Variants in CSMD3 observed in about 807,000 individuals in gnomAD.
CSMD3 encodes the protein CUB and sushi domain-containing protein 3.
CSMD3 carries 177 observed loss-of-function variants against 435.2 expected under a neutral mutation model. The ratio of observed to expected loss-of-function variants is 0.41; its 90% CI spans 0.36 to 0.46. The LOEUF (loss-of-function observed/expected upper bound fraction) is 0.46. Ranked by LOEUF, CSMD3 falls within the 20% of genes least tolerant of loss-of-function variation. The probability of loss-of-function intolerance (pLI) is 0.34; values close to 1 mark genes in which losing one functional copy is unlikely to be tolerated. For missense variants in CSMD3, 4,265 were observed against 4,504.6 expected (o/e 0.95, Z 1.52); for synonymous variants, 1,656 against 1,520.5 (o/e 1.09, Z -2.07).
At chr8:112,831,167 G>T (rs79413168) in intron 11 of CSMD3, among the ~76,000 whole-genome samples, 3,643 of 152,186 alleles carry the variant, frequency 0.024, 144 homozygotes, top group African/African-American at 0.083. Context: ...TTTTGGCCAA[G>T]TTTAAATACA....
At chr8:112,931,631 C>A (rs186448056) in intron 9 of CSMD3, among the ~76,000 whole-genome samples, 2 of 151,658 alleles carry the variant, frequency 1.3e-5, no homozygotes, top group Non-Finnish European at 2.9e-5. Flanking sequence ...TTTCACACAG[C>A]AAAGGAAAAA....
At chr8:112,415,848 G>A (rs1811855785) in intron 32 of CSMD3, among the ~76,000 whole-genome samples, 1 of 152,142 alleles carries the variant, frequency 6.6e-6, no homozygotes, top group Non-Finnish European at 1.5e-5. Flanking sequence ...GGGGCCTGTA[G>A]CCCTTTTGTT....
At chr8:112,916,029 T>C in intron 10 of CSMD3, among the ~76,000 whole-genome samples, 1 of 151,766 alleles carries the variant, frequency 6.6e-6, no homozygotes, top group East Asian at 1.9e-4. Context: ...CTCATCAACT[T>C]ACAAATAAGT....
chr8:113,369,093 T>C (rs985049648), intron 1 of CSMD3, among the ~76,000 whole-genome samples: 2 of 152,056 alleles, frequency 1.3e-5, no homozygotes, highest in African/African-American at 4.8e-5. Flanking sequence ...CTCATTTTCA[T>C]TCCTGAGATC....
chr8:113,091,122 GA>G lies in CSMD3; in HGVS notation c.917+7633del, dbSNP rs559946518. On this transcript the variant is annotated intron_variant, in intron 5 of 70. Transcript: ENST00000297405. ...CTAAGTAATAGGTTAATAAATTACA[GA>G]AAAAAAAATATGCCAAGCATTAGAA... 2.5e-3 allele frequency among the ~76,000 whole-genome samples: 384 copies of G among 150,628 alleles called. 2 individuals carry two copies. Among genetic ancestry groups the G allele is most frequent in the South Asian group, 0.01 (49 of 4,788 alleles).
chr8:112,402,464 A>T (rs1036351230), intron 35 of CSMD3, among the ~76,000 whole-genome samples: 5 of 152,204 alleles, frequency 3.3e-5, no homozygotes, highest in Non-Finnish European at 5.9e-5. Context: ...AACTAAAGGA[A>T]TAAAAGGGTT....
chr8:113,327,754 C>A (rs1006747611), intron 1 of CSMD3, among the ~76,000 whole-genome samples: 5 of 151,952 alleles, frequency 3.3e-5, no homozygotes, highest in African/African-American at 1.2e-4. Context: ...GAGCCCTATC[C>A]CCAGCTCATT....
At chr8:113,201,203 G>C (rs1184072040) in intron 3 of CSMD3, among the ~76,000 whole-genome samples, 1 of 151,924 alleles carries the variant, frequency 6.6e-6, no homozygotes, top group Non-Finnish European at 1.5e-5. Flanking sequence ...TCATTTCAAA[G>C]CTGGGTTTTG....
chr8:112,576,874 A>G (rs10109993), intron 23 of CSMD3, among the ~76,000 whole-genome samples: 60,568 of 150,348 alleles, frequency 0.4, 13,135 homozygotes, highest in East Asian at 0.58. Context: ...AGCTTTTTAT[A>G]AGACACATTA....
At chr8:113,072,004 G>A (rs1207389403) in intron 5 of CSMD3, among the ~76,000 whole-genome samples, 1 of 151,486 alleles carries the variant, frequency 6.6e-6, no homozygotes, top group Non-Finnish European at 1.5e-5. Context: ...CATAATTTTA[G>A]TGTACAAATA....
At chr8:113,077,652 G>A (rs772289490) in intron 5 of CSMD3, among the ~76,000 whole-genome samples, 2 of 152,116 alleles carry the variant, frequency 1.3e-5, no homozygotes, top group Admixed American at 6.5e-5. Context: ...GCAGTGAGCC[G>A]AGATCGCATC....
chr8:112,764,303 T>A (rs548713431), intron 13 of CSMD3, among the ~76,000 whole-genome samples: 2 of 151,496 alleles, frequency 1.3e-5, no homozygotes, highest in East Asian at 3.9e-4. Flanking sequence ...CTGATCTTAT[T>A]AAAATCAACA....
At chr8:112,451,445 GT>G (rs1039422863) in intron 32 of CSMD3, among the ~76,000 whole-genome samples, 17 of 151,702 alleles carry the variant, frequency 1.1e-4, no homozygotes, top group African/African-American at 2.7e-4. Context: ...AAAAGTAAAA[GT>G]TTTTTTTACA....
At chr8:112,397,938 A>T (rs1830989766) in intron 35 of CSMD3, among the ~76,000 whole-genome samples, 1 of 152,202 alleles carries the variant, frequency 6.6e-6, no homozygotes, top group Admixed American at 6.5e-5. Context: ...TCTCATCTAA[A>T]TATCATGTCA....
At chr8:112,304,399 A>G (rs1202398815) in intron 52 of CSMD3, among the ~76,000 whole-genome samples, 1 of 151,354 alleles carries the variant, frequency 6.6e-6, no homozygotes, top group Non-Finnish European at 1.5e-5. Flanking sequence ...TTTTAACCAA[A>G]TGAGTATAAA....
intron 3 of CSMD3, among the ~76,000 whole-genome samples, chr8:113,274,169 C>A (rs900848383): frequency 2.0e-5 from 3 of 151,816 alleles, no homozygotes; most frequent in Admixed American, 1.3e-4. Context: ...TGATTCCAAG[C>A]ACACAGAATT....
intron 5 of CSMD3, among the ~76,000 whole-genome samples, chr8:113,073,512 A>G (rs1396132221): frequency 1.3e-5 from 2 of 151,834 alleles, no homozygotes; most frequent in African/African-American, 2.4e-5. Flanking sequence ...GGTCCTCTTC[A>G]TAACACCCTG....
chr8:113,402,202 A>C (rs2094513460), intron 1 of CSMD3, among the ~76,000 whole-genome samples: 1 of 147,966 alleles, frequency 6.8e-6, no homozygotes. Flanking sequence ...TTTTATCTTA[A>C]ATTTTTTCAT....
chr8:112,871,907 C>T (rs879431746), intron 10 of CSMD3, among the ~76,000 whole-genome samples: 31 of 151,994 alleles, frequency 2.0e-4, no homozygotes, highest in Non-Finnish European at 3.4e-4. Context: ...ATTTAAGTAA[C>T]GTATATAAAT....
Sources: gnomAD v4.1 joint callset for allele counts (sites outside exome capture counted in the v4.1 genomes callset) on GRCh38, gnomAD v4.1.1 for gene constraint, MANE v1.5 for transcripts, NCBI Gene and HGNC (gene_info 2026-07-23, HGNC 2026-07-21) for gene names.